FILIP1L: variants seen among roughly 807,000 people sequenced by gnomAD.
FILIP1L encodes filamin A-interacting protein 1-like.
FILIP1L carries 55 observed loss-of-function variants against 96.6 expected under a neutral mutation model. The observed-to-expected ratio is 0.57, with a 90% CI of 0.46 to 0.71. FILIP1L has a LOEUF of 0.71. Among genes scored for constraint, FILIP1L ranks in the 30% least tolerant of loss-of-function variants. The pLI, the probability that FILIP1L is intolerant of heterozygous loss-of-function variation, is 0.00. For synonymous variants in FILIP1L, 467 were observed against 473.9 expected (o/e 0.99, Z 0.19); for missense variants, 1,304 against 1,321.2 (o/e 0.99, Z 0.20).
At position 99,848,651 on chromosome 3, in the gene FILIP1L, C is replaced by T; in HGVS notation, c.3025G>A (p.Gly1009Ser). 3 of 1,614,138 alleles carry T rather than the reference C, an allele frequency of 1.9e-6. No homozygotes were observed. Among genetic ancestry groups the T allele is most frequent in the Non-Finnish European group, 2.5e-6 (3 of 1,180,032 alleles). ...CCCTGCTCAGGAGAGCTAGCTGAAC[C>T]AGTCACAGCCAAAACCTGAATAGGG... is the stretch of plus-strand genomic sequence containing the variant. The part of the protein sequence containing the change: ...MSPIQVLAVT[G>S]SASSPEQGRS... The change falls in exon 5 of 6, where the codon GGT becomes AGT. Residue 1009 changes from glycine (G) to serine (S), a missense_variant. Coordinates refer to ENST00000477258, the MANE Select transcript of FILIP1L (RefSeq NM_001387850.1).
chr3:100,059,034 C>T (rs1359950673), intron 1 of FILIP1L, among the ~76,000 whole-genome samples: 1 of 152,178 alleles, frequency 6.6e-6, no homozygotes, highest in Non-Finnish European at 1.5e-5. Context: ...TGTAGATAGA[C>T]TTGAAATAAA....
chr3:99,988,347 A>C (rs1337121671), intron 1 of FILIP1L, among the ~76,000 whole-genome samples: 2 of 148,718 alleles, frequency 1.3e-5, no homozygotes, highest in African/African-American at 2.5e-5. Flanking sequence ...AATCCAAAAA[A>C]AAAAAAAAAA....
chr3:100,090,214 T>G lies in FILIP1L; in HGVS notation c.-11+23839A>C, dbSNP rs184825344. Among the ~76,000 whole-genome samples, 370 of 152,330 alleles carry G rather than the reference T, an allele frequency of 2.4e-3. 1 individual carries two copies. Among genetic ancestry groups the G allele is most frequent in the African/African-American group, 8.4e-3 (349 of 41,580 alleles). ...AAGGCCCCAGGCACCTTTGTCCACATGGGTCCATTGTGCAGCTGTTTGCTA... is the reference window on the plus strand; with the variant it reads ...AAGGCCCCAGGCACCTTTGTCCACAGGGGTCCATTGTGCAGCTGTTTGCTA... On this transcript the variant is annotated intron_variant, in intron 1 of 5. Transcript: ENST00000477258.
intron 1 of FILIP1L, among the ~76,000 whole-genome samples, chr3:100,020,379 CTG>C (rs1328377678): frequency 2.0e-5 from 3 of 152,326 alleles, no homozygotes; most frequent in Middle Eastern, 3.4e-3. Context: ...AGTTCAAAAT[CTG>C]TACATGTTTG....
At chr3:100,014,488 A>G (rs1247915774) in intron 1 of FILIP1L, among the ~76,000 whole-genome samples, 1 of 152,102 alleles carries the variant, frequency 6.6e-6, no homozygotes, top group Non-Finnish European at 1.5e-5. Flanking sequence ...CTTTCTCCAC[A>G]TCCTCACCAA....
intron 4 of FILIP1L, among the ~76,000 whole-genome samples, chr3:99,883,130 A>C (rs759006586): frequency 2.0e-5 from 3 of 152,208 alleles, no homozygotes; most frequent in Admixed American, 6.5e-5. Flanking sequence ...AGATTGAATT[A>C]TCTCTCAAAA....
At chr3:99,982,600 T>G (rs924278897) in intron 1 of FILIP1L, among the ~76,000 whole-genome samples, 6 of 152,156 alleles carry the variant, frequency 3.9e-5, no homozygotes, top group African/African-American at 1.4e-4. Context: ...TACCTCAGCG[T>G]CCCAAAGTGC....
At chr3:99,961,701 T>TA (rs138755159) in intron 1 of FILIP1L, among the ~76,000 whole-genome samples, 1 of 152,086 alleles carries the variant, frequency 6.6e-6, no homozygotes, top group African/African-American at 2.4e-5. Flanking sequence ...TGATTTAGTC[T>TA]AAAAAAAATT....
chr3:99,869,247 A>G (rs1008160050), intron 4 of FILIP1L, among the ~76,000 whole-genome samples: 22 of 152,134 alleles, frequency 1.4e-4, no homozygotes, highest in African/African-American at 5.3e-4. Flanking sequence ...GAGAATCTTA[A>G]CTTTGCCTGT....
chr3:100,012,009 A>G (rs1329711291), intron 1 of FILIP1L, among the ~76,000 whole-genome samples: 1 of 152,344 alleles, frequency 6.6e-6, no homozygotes, highest in Non-Finnish European at 1.5e-5. Flanking sequence ...CATATCAATT[A>G]TCATTTACCT....
chr3:100,051,001 T>C (rs559870693), intron 1 of FILIP1L, among the ~76,000 whole-genome samples: 156 of 152,304 alleles, frequency 1.0e-3, no homozygotes, highest in African/African-American at 3.5e-3. Context: ...TAGGTAGCAG[T>C]TTCTTCTTGC....
intron 4 of FILIP1L, among the ~76,000 whole-genome samples, chr3:99,855,932 C>T (rs1463446000): frequency 6.6e-6 from 1 of 152,186 alleles, no homozygotes; most frequent in Non-Finnish European, 1.5e-5. Flanking sequence ...AAAAGTCTGA[C>T]TTCATTTTTC....
chr3:99,882,490 G>T (rs1200494732), intron 4 of FILIP1L, among the ~76,000 whole-genome samples: 1 of 152,192 alleles, frequency 6.6e-6, no homozygotes, highest in African/African-American at 2.4e-5. Context: ...TGTGCTTAGA[G>T]TTTTATTAAG....
intron 4 of FILIP1L, among the ~76,000 whole-genome samples, chr3:99,873,507 G>T (rs1321540329): frequency 6.6e-6 from 1 of 151,870 alleles, no homozygotes; most frequent in Non-Finnish European, 1.5e-5. Context: ...GGGGCTGTAT[G>T]TTTTTTTTCT....
At chr3:100,064,708 T>C (rs1284363186) in intron 1 of FILIP1L, among the ~76,000 whole-genome samples, 1 of 152,208 alleles carries the variant, frequency 6.6e-6, no homozygotes. Context: ...TCAGATTCAT[T>C]AAGGGCATGT....
At chr3:100,013,856 G>T (rs1001506443) in intron 1 of FILIP1L, among the ~76,000 whole-genome samples, 1 of 152,044 alleles carries the variant, frequency 6.6e-6, no homozygotes, top group African/African-American at 2.4e-5. Context: ...CAATTTTCAA[G>T]TGTACAATAT....
chr3:99,833,966 A>G, intron 5 of FILIP1L, among the ~76,000 whole-genome samples: 1 of 152,264 alleles, frequency 6.6e-6, no homozygotes, highest in East Asian at 1.9e-4. Flanking sequence ...TGATGAAAAG[A>G]AGGAAATGCT....
intron 5 of FILIP1L, among the ~76,000 whole-genome samples, chr3:99,835,475 T>C (rs1472339721): frequency 3.0e-4 from 46 of 152,216 alleles, no homozygotes; most frequent in Admixed American, 3.0e-3. Flanking sequence ...TTATTAGCCA[T>C]ATGAGCTTTT....
intron 1 of FILIP1L, among the ~76,000 whole-genome samples, chr3:99,959,140 C>T (rs1211469465): frequency 6.6e-6 from 1 of 151,906 alleles, no homozygotes; most frequent in Admixed American, 6.6e-5. Flanking sequence ...TCCATTTTTC[C>T]CAAACTTTAT....
Sources: gnomAD v4.1 joint callset for allele counts (sites outside exome capture counted in the v4.1 genomes callset) on GRCh38, gnomAD v4.1.1 for gene constraint, MANE v1.5 for transcripts, NCBI Gene and HGNC (gene_info 2026-07-23, HGNC 2026-07-21) for gene names.